Variants in TRAP1 observed in about 807,000 individuals in gnomAD.
The protein encoded by TRAP1 is TNF receptor associated protein 1, also known as heat shock protein 75 kDa, mitochondrial.
In TRAP1, 102 loss-of-function variants were observed where a neutral mutation model predicts 89.1. The observed-to-expected ratio is 1.15, with a 90% CI of 0.98 to 1.35. The LOEUF (loss-of-function observed/expected upper bound fraction) is 1.35, where lower values mean the gene tolerates loss of function less well. Ranked by LOEUF, TRAP1 falls within the 40% of genes most tolerant of loss-of-function variation. TRAP1 has a pLI of 0.00. For missense variants in TRAP1, 1,256 were observed against 945.3 expected (o/e 1.33, Z -4.31); for synonymous variants, 508 against 388.0 (o/e 1.31, Z -3.64).
At chr16:3,682,555 A>T (rs2051086551) in intron 4 of TRAP1, among the ~76,000 whole-genome samples, 1 of 151,910 alleles carries the variant, frequency 6.6e-6, no homozygotes, top group African/African-American at 2.4e-5. Flanking sequence ...ACACCCAGCT[A>T]ATTTCTTTTG....
chr16:3,666,559 A>AT (rs1342120123), intron 11 of TRAP1, among the ~76,000 whole-genome samples: 8 of 114,816 alleles, frequency 7.0e-5, no homozygotes, highest in African/African-American at 1.7e-4. Context: ...CTAAATGGCC[A>AT]TAAAAAAAAA....
At chr16:3,678,222 C>G (rs2051025711) in intron 5 of TRAP1, 1 of 152,594 alleles carries the variant, frequency 6.6e-6, no homozygotes. Context: ...ATGGAACTTT[C>G]TCCAACAACA....
At position 3,683,356 on chromosome 16, in the gene TRAP1, T is replaced by C. The variant is rs1469797842; in HGVS notation, c.471+2640A>G. On this transcript the variant is annotated intron_variant, in intron 4 of 17. Coordinates refer to ENST00000246957, the MANE Select transcript of TRAP1 (RefSeq NM_016292.3). ...AGAATAATATATCCATACCGGTTGA[T>C]TAACTGTAACCAATGTAATATACTA... Among the ~76,000 whole-genome samples the C allele has an allele frequency of 2.6e-5, 4 of 151,982 alleles. No individual in the cohort carries two copies. The East Asian group carries it at 5.8e-4, about 22-fold the overall frequency.
chr16:3,669,930 G>GACA (rs1026342730), intron 11 of TRAP1, among the ~76,000 whole-genome samples: 2 of 151,676 alleles, frequency 1.3e-5, no homozygotes, highest in Non-Finnish European at 2.9e-5. Context: ...GCCCAGCTGT[G>GACA]CAGCCCCGAG....
chr16:3,663,615 C>T, intron 13 of TRAP1, 53 bp from the exon 14 acceptor site: 2 of 1,607,562 alleles, frequency 1.2e-6, no homozygotes, highest in Admixed American at 1.7e-5. Context: ...CCAGCCACCA[C>T]AGAAGAAAGG....
At chr16:3,696,253 G>T (rs1234205360) in intron 1 of TRAP1, among the ~76,000 whole-genome samples, 7 of 152,192 alleles carry the variant, frequency 4.6e-5, no homozygotes, top group Non-Finnish European at 8.8e-5. Context: ...AGCACACAGA[G>T]GAGCCTAGGA....
chr16:3,672,727 G>A lies in TRAP1; in HGVS notation c.1138C>T (p.Leu380=), dbSNP rs773607930. 8.7e-6 allele frequency: 14 copies of A among 1,610,064 alleles called. No homozygotes were observed. The highest frequency in any genetic ancestry group is 1.2e-5 in the Non-Finnish European group (14 of 1,178,498). Residue 380 remains leucine, a synonymous_variant, in exon 10 of 18, where the codon CTG becomes TTG. Transcript: ENST00000246957. ...CGGATGAAGCGCAGCCACTTGGGCAGGATGTCCGTGGCCTTGGTCTGGATG... is the reference window on the plus strand; with the variant it reads ...CGGATGAAGCGCAGCCACTTGGGCAAGATGTCCGTGGCCTTGGTCTGGATG... ...VLIQTKATDI[L]PKWLRFIRGV...
chr16:3,709,601 G>C (rs2051499255), intron 1 of TRAP1, among the ~76,000 whole-genome samples: 1 of 152,138 alleles, frequency 6.6e-6, no homozygotes, highest in Admixed American at 6.6e-5. Flanking sequence ...AAAATGCAAG[G>C]TACGGAAGAT....
At chr16:3,683,679 C>T (rs952502442) in intron 4 of TRAP1, among the ~76,000 whole-genome samples, 3 of 151,530 alleles carry the variant, frequency 2.0e-5, no homozygotes, top group African/African-American at 7.3e-5. Context: ...AGCCACTGCA[C>T]CCGGCCATAA....
chr16:3,709,078 G>A (rs568643294), intron 1 of TRAP1, among the ~76,000 whole-genome samples: 13 of 151,870 alleles, frequency 8.6e-5, no homozygotes, highest in African/African-American at 2.9e-4. Context: ...GCCTCCCACA[G>A]TGCTGGGATT....
chr16:3,702,871 C>A (rs2051386083), intron 1 of TRAP1, among the ~76,000 whole-genome samples: 1 of 151,166 alleles, frequency 6.6e-6, no homozygotes, highest in Admixed American at 6.6e-5. Context: ...GGAGAAACTC[C>A]ATCTCTACTA....
chr16:3,678,354 T>G (rs1012057763), intron 5 of TRAP1: 1 of 152,276 alleles, frequency 6.6e-6, no homozygotes, highest in Admixed American at 6.5e-5. Context: ...AACTGCCACA[T>G]GCAGCTGGTG....
chr16:3,707,182 ATC>A (rs2051458925), intron 1 of TRAP1, among the ~76,000 whole-genome samples: 1 of 148,444 alleles, frequency 6.7e-6, no homozygotes, highest in South Asian at 2.1e-4. Flanking sequence ...TTAAGAGGAA[ATC>A]TTTTTTTTTT....
chr16:3,659,963 G>C (rs574554890), intron 16 of TRAP1: 2 of 152,276 alleles, frequency 1.3e-5, no homozygotes, highest in African/African-American at 4.8e-5. Context: ...CTGACCTCAA[G>C]TGATCCACCC....
At chr16:3,672,843 A>T in intron 9 of TRAP1, 23 bp from the exon 10 acceptor site, 1 of 1,607,188 alleles carries the variant, frequency 6.2e-7, no homozygotes, top group Non-Finnish European at 8.5e-7. Flanking sequence ...AGAACACGCC[A>T]TCATGCAGCA....
intron 1 of TRAP1, among the ~76,000 whole-genome samples, chr16:3,716,283 T>G (rs1386415998): frequency 1.3e-5 from 2 of 152,232 alleles, no homozygotes; most frequent in African/African-American, 4.8e-5. Flanking sequence ...TTTGGACAAT[T>G]TGGCAGTATC....
chr16:3,658,635 T>C (rs931454555), intron 17 of TRAP1, 158 bp downstream of exon 17: 3 of 710,872 alleles, frequency 4.2e-6, no homozygotes, highest in African/African-American at 3.6e-5. Context: ...ATCGCGCCAC[T>C]GCACTCCAGC....
chr16:3,691,008 A>C, intron 1 of TRAP1, 23 bp from the exon 2 acceptor site: 1 of 1,457,912 alleles, frequency 6.9e-7, no homozygotes, highest in Non-Finnish European at 9.1e-7. Context: ...ATATGCAGAA[A>C]GAATGAGAAT....
chr16:3,709,551 G>C (rs749947527), intron 1 of TRAP1, among the ~76,000 whole-genome samples: 6 of 152,302 alleles, frequency 3.9e-5, no homozygotes, highest in Non-Finnish European at 7.3e-5. Flanking sequence ...GAATACCAGA[G>C]CTCTGTGGCG....
Sources: gnomAD v4.1 joint callset for allele counts (sites outside exome capture counted in the v4.1 genomes callset) on GRCh38, gnomAD v4.1.1 for gene constraint, MANE v1.5 for transcripts, NCBI Gene and HGNC (gene_info 2026-07-23, HGNC 2026-07-21) for gene names.